HIF3A: variants seen among roughly 807,000 people sequenced by gnomAD.
HIF3A encodes the protein hypoxia-inducible factor 3-alpha.
HIF3A carries 41 observed loss-of-function variants against 67.2 expected under a neutral mutation model. The ratio of observed to expected loss-of-function variants is 0.61; its 90% CI spans 0.48 to 0.79. The LOEUF (loss-of-function observed/expected upper bound fraction) is 0.79, where lower values mean the gene tolerates loss of function less well. Among genes scored for constraint, HIF3A ranks in the 30% least tolerant of loss-of-function variants. HIF3A has a pLI of 0.00. For synonymous variants in HIF3A, 356 were observed against 374.8 expected (o/e 0.95, Z 0.58); for missense variants, 855 against 898.0 (o/e 0.95, Z 0.61).
rs79882952 is a variant in HIF3A, at chr19:46,315,001, C to T, written c.1025+2348C>T. On this transcript the variant is annotated intron_variant, in intron 8 of 14. Transcript: ENST00000377670. ...TACAGGGAATCCTACAGTATGTAGC[C>T]TTTTGGGCCTGGCTCTTACTTAGCT... Among the ~76,000 whole-genome samples the T allele has an allele frequency of 6.3e-3, 924 of 147,384 alleles. 93 individuals are homozygous for T. Among genetic ancestry groups the T allele is most frequent in the Middle Eastern group, 0.028 (8 of 286 alleles).
intron 12 of HIF3A, 121 bp downstream of exon 12, chr19:46,329,599 C>T (rs1971040099): frequency 5.7e-6 from 7 of 1,223,152 alleles, no homozygotes; most frequent in Middle Eastern, 2.9e-4. Flanking sequence ...CCAGCCAGGC[C>T]CTCGGTGGGC....
At chr19:46,330,367 G>C (rs931235796) in intron 12 of HIF3A, among the ~76,000 whole-genome samples, 1 of 152,198 alleles carries the variant, frequency 6.6e-6, no homozygotes, top group Admixed American at 6.5e-5. Context: ...ATGTCTGGAC[G>C]GATGGATGGA....
At chr19:46,306,769 C>T (rs971389338) in intron 3 of HIF3A, among the ~76,000 whole-genome samples, 6 of 152,058 alleles carry the variant, frequency 3.9e-5, no homozygotes, top group Admixed American at 6.6e-5. Flanking sequence ...ATGAATGTCC[C>T]GAGGTTCCAA....
chr19:46,310,875 C>T lies in HIF3A; in HGVS notation c.771-1286C>T, dbSNP rs1024348304. ...AAGTGATTCACCTGCCTCAGCCTCC[C>T]GAGTAGCTGGGATCACAGGGGCCTG... On this transcript the variant is annotated intron_variant, in intron 6 of 14. Coordinates refer to ENST00000377670, the MANE Select transcript of HIF3A (RefSeq NM_152795.4). 3.9e-5 allele frequency among the ~76,000 whole-genome samples: 6 copies of T among 152,026 alleles called. 1 individual carries two copies. Among genetic ancestry groups the T allele is most frequent in the South Asian group, 4.2e-4 (2 of 4,818 alleles).
At chr19:46,307,999 C>CAGAT (rs879144909) in intron 3 of HIF3A, among the ~76,000 whole-genome samples, 9,509 of 49,328 alleles carry the variant, frequency 0.19, 436 homozygotes, top group Middle Eastern at 0.36. Context: ...GACAGACAGA[C>CAGAT]AGATAGATAG....
chr19:46,306,289 A>G (rs1968846012), intron 3 of HIF3A, among the ~76,000 whole-genome samples: 1 of 152,112 alleles, frequency 6.6e-6, no homozygotes, highest in African/African-American at 2.4e-5. Context: ...TCAGATTTAC[A>G]TTTTTGAAAG....
chr19:46,313,297 A>G, intron 8 of HIF3A: 1 of 980,934 alleles, frequency 1.0e-6, no homozygotes, highest in Non-Finnish European at 1.2e-6. Context: ...TATTCAAGTT[A>G]AAATAAGAAG....
At chr19:46,300,624 G>C (rs1968239108) in intron 1 of HIF3A, among the ~76,000 whole-genome samples, 1 of 152,192 alleles carries the variant, frequency 6.6e-6, no homozygotes, top group Admixed American at 6.5e-5. Flanking sequence ...TCAAGCCACT[G>C]CACTCCAGCC....
At chr19:46,303,568 C>A in intron 1 of HIF3A, 1 of 1,513,320 alleles carries the variant, frequency 6.6e-7, no homozygotes, top group South Asian at 1.2e-5. Context: ...TCCCTGTCCC[C>A]CAGGCGTCCC....
intron 3 of HIF3A, among the ~76,000 whole-genome samples, chr19:46,306,999 A>G (rs781622160): frequency 6.6e-6 from 1 of 152,136 alleles, no homozygotes; most frequent in Non-Finnish European, 1.5e-5. Flanking sequence ...TGTGATTTGA[A>G]TGGAGTCTCA....
chr19:46,328,640 GAT>G (rs1437445124), intron 11 of HIF3A, among the ~76,000 whole-genome samples: 2 of 152,080 alleles, frequency 1.3e-5, no homozygotes, highest in African/African-American at 2.4e-5. Context: ...GGTTTCCAGT[GAT>G]ATGTTTCTCA....
At chr19:46,330,222 T>A (rs1251790233) in intron 12 of HIF3A, among the ~76,000 whole-genome samples, 1 of 151,776 alleles carries the variant, frequency 6.6e-6, no homozygotes, top group African/African-American at 2.4e-5. Context: ...AAATACTTAT[T>A]AAATGAGGGA....
At chr19:46,299,590 T>C (rs756135052) in intron 1 of HIF3A, among the ~76,000 whole-genome samples, 40 of 151,746 alleles carry the variant, frequency 2.6e-4, no homozygotes, top group African/African-American at 9.7e-4. Context: ...TGAGTGTCTG[T>C]AGTCCCAGCT....
intron 3 of HIF3A, among the ~76,000 whole-genome samples, chr19:46,307,051 C>T (rs527867333): frequency 6.6e-6 from 1 of 152,022 alleles, no homozygotes; most frequent in Non-Finnish European, 1.5e-5. Flanking sequence ...TTCTAGAATA[C>T]TCTTACTCCA....
At position 46,312,224 on chromosome 19, in the gene HIF3A, C is replaced by G; in HGVS notation, c.834C>G (p.Ile278Met). Reference protein sequence around the residue: ...DLIGCSAYEYIHALDSDAVSK... With the variant: ...DLIGCSAYEYMHALDSDAVSK... ...TCGGCTGTTCCGCCTACGAGTACAT[C>G]CACGCGCTGGACTCCGATGCGGTCA... The change falls in exon 7 of 15, where the codon ATC (isoleucine) becomes ATG (methionine). Residue 278 changes from isoleucine (I) to methionine (M), a missense_variant. Physicochemically the swap from Ile to Met is conservative, Grantham distance 10 (BLOSUM62 1). Around this residue, in one of 3 missense-constraint regions of HIF3A, gnomAD observed 638 missense variants for 660.5 expected, o/e 0.97. Coordinates refer to ENST00000377670, the MANE Select transcript of HIF3A (RefSeq NM_152795.4). The G allele has an allele frequency of 6.2e-7, 1 of 1,614,012 alleles. No individual in the cohort carries two copies. The highest frequency in any genetic ancestry group is 8.5e-7 in the Non-Finnish European group (1 of 1,179,974).
At chr19:46,316,648 C>G (rs776899677) in intron 8 of HIF3A, among the ~76,000 whole-genome samples, 1 of 151,880 alleles carries the variant, frequency 6.6e-6, no homozygotes, top group Non-Finnish European at 1.5e-5. Flanking sequence ...ACTAAAAATA[C>G]AAAAATTAGC....
rs1426060628 is a variant in HIF3A, at chr19:46,341,597, G to A, written c.*1975G>A. The A allele has an allele frequency of 6.6e-6, 1 of 151,268 alleles. No homozygotes were observed. Among genetic ancestry groups the A allele is most frequent in the Non-Finnish European group, 1.5e-5 (1 of 67,928 alleles). The allele number at this position is 151,268 out of a possible 1,614,324, so 9.4% of individuals were successfully genotyped here. A position where few individuals can be genotyped will look rare whatever the true frequency, so the allele number is the denominator to read the frequency against. Reference sequence around the variant, plus strand: ...ACTCATTTTCTCTCATCAAAAACAAGTACAGAGAGTTTGATGTGTTTATCT... The same window carrying A: ...ACTCATTTTCTCTCATCAAAAACAAATACAGAGAGTTTGATGTGTTTATCT... On this transcript the variant is annotated 3_prime_UTR_variant, in exon 15 of 15. Coordinates refer to ENST00000377670, the MANE Select transcript of HIF3A (RefSeq NM_152795.4).
At chr19:46,305,181 G>T (rs777394117) in intron 2 of HIF3A, 64 bp from the exon 3 acceptor site, 1 of 1,610,638 alleles carries the variant, frequency 6.2e-7, no homozygotes, top group South Asian at 1.1e-5. Flanking sequence ...CTAGCCCAGG[G>T]TCAGTCCATA....
chr19:46,300,254 G>T (rs1968208880), intron 1 of HIF3A, among the ~76,000 whole-genome samples: 1 of 152,106 alleles, frequency 6.6e-6, no homozygotes, highest in Admixed American at 6.5e-5. Flanking sequence ...GTATGTAATT[G>T]CATGCACACA....
Sources: allele counts gnomAD v4.1 joint callset (sites outside exome capture counted in the v4.1 genomes callset), GRCh38; gene constraint gnomAD v4.1.1; regional missense constraint gnomAD v4.1.1; transcripts MANE v1.5; gene names NCBI Gene and HGNC (gene_info 2026-07-23, HGNC 2026-07-21).